The following GALNT14 variants were observed in gnomAD, a reference collection of about 807,000 sequenced individuals.
GALNT14 encodes UDP-GalNAc:polypeptide N-acetylgalactosaminyltransferase 14.
Under a neutral mutation model 77.5 loss-of-function variants are expected in GALNT14, and 60 were observed. The observed-to-expected ratio is 0.77, with a 90% CI of 0.63 to 0.96. The LOEUF (loss-of-function observed/expected upper bound fraction) is 0.96. GALNT14 is among the 40% of genes least tolerant of loss of function. The pLI is 0.00. For missense variants in GALNT14, 710 were observed against 731.0 expected (o/e 0.97, Z 0.33); for synonymous variants, 280 against 281.7 (o/e 0.99, Z 0.06).
chr2:31,110,658 G>C (rs1400643323), intron 1 of GALNT14, among the ~76,000 whole-genome samples: 1 of 152,128 alleles, frequency 6.6e-6, no homozygotes, highest in Admixed American at 6.5e-5. Flanking sequence ...CGGCATGCTT[G>C]GTTCTTGGGC....
intron 1 of GALNT14, among the ~76,000 whole-genome samples, chr2:31,007,613 A>T (rs1258962645): frequency 1.3e-5 from 2 of 152,128 alleles, no homozygotes; most frequent in Admixed American, 6.5e-5. Context: ...CTTTTTCAGA[A>T]TTAGGTGTGC....
intron 1 of GALNT14, among the ~76,000 whole-genome samples, chr2:31,003,583 C>G (rs1212263981): frequency 6.6e-6 from 1 of 152,220 alleles, no homozygotes; most frequent in African/African-American, 2.4e-5. Context: ...ACAAAAGCAA[C>G]CACTGCCCAT....
intron 2 of GALNT14, among the ~76,000 whole-genome samples, chr2:30,984,692 A>G (rs928368158): frequency 6.6e-5 from 10 of 151,826 alleles, no homozygotes; most frequent in African/African-American, 2.2e-4. Context: ...AATGCCTACT[A>G]CCTGGTAAAA....
the GALNT14 span, among the ~76,000 whole-genome samples, chr2:30,888,644 G>A: frequency 4.6e-5 from 7 of 152,080 alleles, no homozygotes; most frequent in Non-Finnish European, 1.0e-4. Flanking sequence ...GGAGGCCGGG[G>A]GTGGGGATGG....
intron 1 of GALNT14, among the ~76,000 whole-genome samples, chr2:31,044,059 C>T (rs987240042): frequency 3.9e-5 from 6 of 152,170 alleles, no homozygotes; most frequent in African/African-American, 1.2e-4. Context: ...CAGTGAAGGA[C>T]TAGCGACATA....
chr2:31,059,057 A>G (rs1277253623), intron 1 of GALNT14, among the ~76,000 whole-genome samples: 1 of 152,182 alleles, frequency 6.6e-6, no homozygotes, highest in Non-Finnish European at 1.5e-5. Flanking sequence ...TGTGGTTTCA[A>G]TGTGTAATTT....
chr2:30,923,821 G>C (rs1665185822), intron 13 of GALNT14, among the ~76,000 whole-genome samples: 1 of 152,186 alleles, frequency 6.6e-6, no homozygotes, highest in South Asian at 2.1e-4. Flanking sequence ...GTTGCTGCCA[G>C]CAGGTAGGAC....
At chr2:31,103,849 T>C (rs1677416285) in intron 1 of GALNT14, among the ~76,000 whole-genome samples, 1 of 152,176 alleles carries the variant, frequency 6.6e-6, no homozygotes, top group African/African-American at 2.4e-5. Flanking sequence ...CAGTTAAAAA[T>C]ATTCAATGCT....
Position 30,955,892 on chromosome 2 carries a change from G to T in GALNT14, c.532+20C>A. 6.2e-7 allele frequency: 1 copy of T among 1,613,362 alleles called. No individual in the cohort carries two copies. The highest frequency in any genetic ancestry group is 8.5e-7 in the Non-Finnish European group (1 of 1,179,866). ...CCCGACACTCACACTGGAGGCTCCCGCACAACAGCTCAGACCTACCTTGCC... is the reference window on the plus strand; with the variant it reads ...CCCGACACTCACACTGGAGGCTCCCTCACAACAGCTCAGACCTACCTTGCC... On this transcript the variant is annotated intron_variant, in intron 5 of 14. Coordinates refer to ENST00000349752, the MANE Select transcript of GALNT14 (RefSeq NM_024572.4).
chr2:31,100,549 G>C (rs1573349124), intron 1 of GALNT14, among the ~76,000 whole-genome samples: 1 of 151,698 alleles, frequency 6.6e-6, no homozygotes, highest in African/African-American at 2.4e-5. Context: ...TACTGTTTTT[G>C]CTTGTCTAAT....
At position 30,958,401 on chromosome 2, in the gene GALNT14, A is replaced by G; in HGVS notation, c.462T>C (p.Asn154=). 1 of 1,613,538 alleles carries G rather than the reference A, an allele frequency of 6.2e-7. No individual in the cohort carries two copies. Among genetic ancestry groups the G allele is most frequent in the East Asian group, 2.2e-5 (1 of 44,892 alleles). Residue 154 remains asparagine (N), a synonymous_variant, in exon 4 of 15, where the codon AAT becomes AAC. Coordinates refer to ENST00000349752, the MANE Select transcript of GALNT14 (RefSeq NM_024572.4). ...REIILVDDFS[N]DPDDCKQLIK... ...CAAGTGAGCAACATGACTTACGGTCATTGCTGAAGTCATCCACTAATATGA... is the reference window on the plus strand; with the variant it reads ...CAAGTGAGCAACATGACTTACGGTCGTTGCTGAAGTCATCCACTAATATGA...
At chr2:31,137,634 C>A (rs1271682049) in intron 1 of GALNT14, among the ~76,000 whole-genome samples, 1 of 152,082 alleles carries the variant, frequency 6.6e-6, no homozygotes, top group African/African-American at 2.4e-5. Flanking sequence ...GCCCGGAGAC[C>A]GCCAGCCCCT....
At chr2:30,890,450 T>C in the GALNT14 span, among the ~76,000 whole-genome samples, 119 of 152,340 alleles carry the variant, frequency 7.8e-4, no homozygotes, top group Non-Finnish European at 1.4e-3. Flanking sequence ...GTCTCCCTTG[T>C]AGGGTTGTTG....
chr2:30,925,389 A>C lies in GALNT14; in HGVS notation c.1152-566T>G, dbSNP rs567197588. Among the ~76,000 whole-genome samples, 22 of 152,346 alleles carry C rather than the reference A, an allele frequency of 1.4e-4. No individual in the cohort carries two copies. In the South Asian group the frequency reaches 4.6e-3, roughly 32 times the overall value. ...GGCAAAGATAATGAAATAAGCCATC[A>C]CAGCCCAGGTGACATAGGATGAGCA... is the stretch of plus-strand genomic sequence containing the variant. On this transcript the variant is annotated intron_variant, in intron 11 of 14. Transcript: ENST00000349752.
At chr2:31,045,328 T>A (rs1421381287) in intron 1 of GALNT14, among the ~76,000 whole-genome samples, 2 of 152,112 alleles carry the variant, frequency 1.3e-5, no homozygotes, top group Non-Finnish European at 2.9e-5. Flanking sequence ...GTCTCTAACA[T>A]CCACACACTG....
At chr2:30,997,778 A>G (rs1670127435) in intron 1 of GALNT14, among the ~76,000 whole-genome samples, 1 of 152,254 alleles carries the variant, frequency 6.6e-6, no homozygotes, top group South Asian at 2.1e-4. Flanking sequence ...TGGAATGATC[A>G]AATCAGGCTA....
chr2:31,138,098 C>T lies in GALNT14; in HGVS notation c.-12G>A, dbSNP rs780902676. ...GTCAGGCGCCGCATGGTCCCCTTTG[C>T]CGCTTCCTCTCCGCGGCGCTACGTC... is the stretch of plus-strand genomic sequence containing the variant. On this transcript the variant is annotated 5_prime_UTR_variant, in exon 1 of 15. Transcript: ENST00000349752. The T allele has an allele frequency of 6.2e-7, 1 of 1,613,546 alleles. No individual in the cohort carries two copies. The highest frequency in any genetic ancestry group is 1.7e-5 in the Admixed American group (1 of 60,022).
chr2:31,124,898 T>C (rs988869254), intron 1 of GALNT14, among the ~76,000 whole-genome samples: 5 of 151,924 alleles, frequency 3.3e-5, no homozygotes, highest in African/African-American at 1.2e-4. Context: ...CTCTTCTTTC[T>C]ACGTGGACTC....
chr2:31,009,915 C>G (rs939362773), intron 1 of GALNT14, among the ~76,000 whole-genome samples: 1 of 152,212 alleles, frequency 6.6e-6, no homozygotes, highest in African/African-American at 2.4e-5. Context: ...ACAACCATAC[C>G]CAACCACCAC....
Sources: gnomAD v4.1 joint callset for allele counts (sites outside exome capture counted in the v4.1 genomes callset) on GRCh38, gnomAD v4.1.1 for gene constraint, MANE v1.5 for transcripts, NCBI Gene and HGNC (gene_info 2026-07-23, HGNC 2026-07-21) for gene names.